DMD: variants seen among roughly 807,000 people sequenced by gnomAD.
DMD encodes mutant dystrophin.
Under a neutral mutation model 330.1 loss-of-function variants are expected in DMD, and 63 were observed. The ratio of observed to expected loss-of-function variants is 0.19; its 90% CI spans 0.16 to 0.24. The LOEUF is 0.24. Among genes scored for constraint, DMD ranks in the 10% least tolerant of loss-of-function variants. The pLI is 1.00. For missense variants in DMD, 3,344 were observed against 2,684.1 expected (o/e 1.25, Z -5.43); for synonymous variants, 1,223 against 959.8 (o/e 1.27, Z -5.07).
chrX:32,815,520 T>TATATAC, intron 6 of DMD, among the ~76,000 whole-genome samples: 29 of 78,917 alleles, frequency 3.7e-4, no homozygotes, highest in South Asian at 1.1e-3. Context: ...TATATATATA[T>TATATAC]ACACACACAC....
intron 74 of DMD, among the ~76,000 whole-genome samples, 162 bp downstream of exon 74, chrX:31,169,281 A>C (rs1200966516): frequency 9.9e-6 from 1 of 101,232 alleles, no homozygotes; most frequent in Non-Finnish European, 2.0e-5. Flanking sequence ...TTCAGATAAC[A>C]AAAAAAAAAA....
chrX:32,804,911 G>A (rs1373409237), intron 7 of DMD, among the ~76,000 whole-genome samples: 1 of 112,059 alleles, frequency 8.9e-6, no homozygotes, highest in Non-Finnish European at 1.9e-5. Flanking sequence ...AAAACAGAAA[G>A]GAATAGCATC....
At chrX:31,929,830 T>A in intron 46 of DMD, 85 bp from the exon 47 acceptor site, 3 of 1,120,136 alleles carry the variant, frequency 2.7e-6, no homozygotes, top group Non-Finnish European at 2.4e-6. Flanking sequence ...GATTAGTCTA[T>A]CAAAATGAAG....
intron 51 of DMD, among the ~76,000 whole-genome samples, chrX:31,740,110 C>A (rs1014576471): frequency 1.8e-5 from 2 of 110,614 alleles, no homozygotes. Context: ...GTGTAAATTG[C>A]GGATCTTGAA....
chrX:31,348,534 A>G (rs746841631), intron 61 of DMD, 22 bp downstream of exon 61: 1 of 1,191,337 alleles, frequency 8.4e-7, no homozygotes, highest in Admixed American at 2.2e-5. Flanking sequence ...AAGTTAAGTG[A>G]TAAAAGCTGA....
chrX:31,499,489 C>CTTTTTTTT (rs774151183), intron 56 of DMD, among the ~76,000 whole-genome samples: 4 of 83,661 alleles, frequency 4.8e-5, no homozygotes, highest in Admixed American at 1.4e-4. Context: ...GAATTCAGTT[C>CTTTTTTTT]TTTTTTTTTT....
At chrX:32,536,227 T>C (rs1457484888) in intron 17 of DMD, among the ~76,000 whole-genome samples, 1 of 88,445 alleles carries the variant, frequency 1.1e-5, no homozygotes, top group Non-Finnish European at 2.0e-5. Context: ...ATCGCGCCAC[T>C]GCACTCCAGA....
At chrX:31,837,092 TA>T (rs1467411614) in intron 48 of DMD, among the ~76,000 whole-genome samples, 2 of 112,030 alleles carry the variant, frequency 1.8e-5, no homozygotes, top group Non-Finnish European at 3.8e-5. Context: ...TAAAATGCAA[TA>T]ATGACAATAC....
intron 55 of DMD, among the ~76,000 whole-genome samples, chrX:31,514,833 G>A (rs747134752): frequency 9.0e-6 from 1 of 111,212 alleles, no homozygotes; most frequent in African/African-American, 3.3e-5. Flanking sequence ...CAGGTAAAAA[G>A]AATAGCATGG....
chrX:32,204,976 ATCTCTCTCTC>A (rs200970973), intron 44 of DMD, among the ~76,000 whole-genome samples: 16 of 45,317 alleles, frequency 3.5e-4, no homozygotes, highest in East Asian at 1.8e-3. Context: ...CATCCAAGCC[ATCTCTCTCTC>A]TCTCTCTCTC....
At chrX:31,178,246 G>C (rs1309158287) in intron 70 of DMD, 2 of 752,281 alleles carry the variant, frequency 2.7e-6, no homozygotes, top group East Asian at 1.5e-4. Context: ...AGTTTCCTGT[G>C]ACTATATTTT....
chrX:31,645,713 T>C (rs904398970), intron 54 of DMD, among the ~76,000 whole-genome samples: 3 of 112,035 alleles, frequency 2.7e-5, no homozygotes, highest in Non-Finnish European at 3.8e-5. Flanking sequence ...TTGTATAAGA[T>C]TCTTGAGAAA....
At chrX:33,256,811 T>C (rs2052863962) in intron 1 of DMD, among the ~76,000 whole-genome samples, 2 of 110,719 alleles carry the variant, frequency 1.8e-5, no homozygotes, top group African/African-American at 6.5e-5. Flanking sequence ...AAGTGCAATG[T>C]TTCTTCTTTA....
chrX:33,078,485 T>C (rs2094877746), intron 1 of DMD, among the ~76,000 whole-genome samples: 1 of 112,301 alleles, frequency 8.9e-6, no homozygotes, highest in Non-Finnish European at 1.9e-5. Flanking sequence ...AATTTGTCAC[T>C]GAGTGTATTT....
At chrX:31,996,642 C>T (rs2095588815) in intron 44 of DMD, among the ~76,000 whole-genome samples, 1 of 111,564 alleles carries the variant, frequency 9.0e-6, no homozygotes, top group Admixed American at 9.5e-5. Flanking sequence ...AATTTTATAT[C>T]AGCTATGATA....
At chrX:31,922,529 C>T (rs772500994) in intron 47 of DMD, among the ~76,000 whole-genome samples, 2 of 62,180 alleles carry the variant, frequency 3.2e-5, no homozygotes, top group African/African-American at 1.1e-4. Context: ...TGTGTGTGCG[C>T]GCGCGTGCGC....
chrX:31,369,070 G>A (rs1469203801), intron 60 of DMD, among the ~76,000 whole-genome samples: 1 of 111,949 alleles, frequency 8.9e-6, no homozygotes, highest in African/African-American at 3.2e-5. Flanking sequence ...TTAAAAACCA[G>A]AATCTGTGAT....
intron 1 of DMD, among the ~76,000 whole-genome samples, chrX:33,314,583 T>TG (rs1362880966): frequency 1.0e-5 from 1 of 100,135 alleles, no homozygotes; most frequent in Non-Finnish European, 2.0e-5. Flanking sequence ...TTTTTTTTTT[T>TG]TTTTATCTTT....
chrX:31,370,693 G>C (rs762446015), intron 60 of DMD, among the ~76,000 whole-genome samples: 1 of 111,958 alleles, frequency 8.9e-6, no homozygotes, highest in South Asian at 3.7e-4. Flanking sequence ...ATTTATCTCA[G>C]GGAAATAAAA....
Sources: allele counts gnomAD v4.1 joint callset (sites outside exome capture counted in the v4.1 genomes callset), GRCh38; gene constraint gnomAD v4.1.1; transcripts MANE v1.5; gene names NCBI Gene and HGNC (gene_info 2026-07-23, HGNC 2026-07-21).